The following MSI2 variants were observed in gnomAD, a reference collection of about 807,000 sequenced individuals.
MSI2 encodes RNA-binding protein Musashi homolog 2.
MSI2 carries 17 observed loss-of-function variants against 45.6 expected under a neutral mutation model. The observed-to-expected ratio is 0.37, with a 90% CI of 0.26 to 0.56. The LOEUF is 0.56. Among genes scored for constraint, MSI2 ranks in the 20% least tolerant of loss-of-function variants. The pLI is 0.77. For synonymous variants in MSI2, 156 were observed against 158.2 expected (o/e 0.99, Z 0.11); for missense variants, 293 against 444.2 (o/e 0.66, Z 3.06).
intron 7 of MSI2, among the ~76,000 whole-genome samples, chr17:57,579,697 A>C (rs953105563): frequency 6.6e-6 from 1 of 152,248 alleles, no homozygotes; most frequent in Non-Finnish European, 1.5e-5. Flanking sequence ...AAGTCATGAC[A>C]GCAAGTCAAT....
chr17:57,321,668 G>C (rs970996164), intron 5 of MSI2, among the ~76,000 whole-genome samples: 5 of 152,172 alleles, frequency 3.3e-5, no homozygotes, highest in Non-Finnish European at 5.9e-5. Context: ...ACAAGGGTGA[G>C]CTGGAAAGGG....
At chr17:57,496,180 T>G (rs953055341) in intron 6 of MSI2, among the ~76,000 whole-genome samples, 1 of 152,132 alleles carries the variant, frequency 6.6e-6, no homozygotes, top group African/African-American at 2.4e-5. Context: ...TGGAGCAGAG[T>G]AGAAGTGCGG....
Position 57,679,937 on chromosome 17 carries a change from A to AT in MSI2, c.*426dup. The AT allele has an allele frequency of 5.1e-6, 1 of 196,580 alleles. No homozygotes were observed. The highest frequency in any genetic ancestry group is 9.6e-6 in the Non-Finnish European group (1 of 103,832). 12.2% of individuals were successfully genotyped at this position (196,580 alleles called of 1,614,324 possible). A position where few individuals can be genotyped will look rare whatever the true frequency, so the allele number is the denominator to read the frequency against. On this transcript the variant is annotated 3_prime_UTR_variant, in exon 14 of 14. Transcript: ENST00000284073. ...AGTATAATTGTTATATTAAGGAGTT[A>AT]TTTTTTCTTAAAACATTTTTTTTTG...
At chr17:57,340,151 A>G (rs1915007833) in intron 5 of MSI2, among the ~76,000 whole-genome samples, 1 of 152,210 alleles carries the variant, frequency 6.6e-6, no homozygotes, top group South Asian at 2.1e-4. Context: ...TAGTCCTCAC[A>G]GTAGCCCTCT....
At chr17:57,567,248 G>A (rs528819893) in intron 7 of MSI2, among the ~76,000 whole-genome samples, 4 of 152,146 alleles carry the variant, frequency 2.6e-5, no homozygotes, top group East Asian at 1.9e-4. Flanking sequence ...TTTGTATCTC[G>A]TGATTAAATA....
chr17:57,586,306 C>T (rs1221543879), intron 7 of MSI2, among the ~76,000 whole-genome samples: 1 of 152,156 alleles, frequency 6.6e-6, no homozygotes, highest in African/African-American at 2.4e-5. Flanking sequence ...GTATTCATGA[C>T]AGATTTCTCT....
intron 7 of MSI2, among the ~76,000 whole-genome samples, chr17:57,533,054 G>C (rs901786476): frequency 1.3e-5 from 2 of 152,324 alleles, no homozygotes; most frequent in South Asian, 2.1e-4. Flanking sequence ...GGCCCATTCA[G>C]TCTCCACTTG....
In MSI2 at chr17:57,314,822, G is replaced by A. The variant is rs1230617899; in HGVS notation, c.312+52630G>A. Reference sequence around the variant, plus strand: ...CCTGACTTTGTGATCTGCCCGCCTCGGTCTCCCAAAGTGCTGGGATTACAG... The same window carrying A: ...CCTGACTTTGTGATCTGCCCGCCTCAGTCTCCCAAAGTGCTGGGATTACAG... On this transcript the variant is annotated intron_variant, in intron 5 of 13. Transcript: ENST00000284073. Among the ~76,000 whole-genome samples, 5 of 152,112 alleles carry A rather than the reference G, an allele frequency of 3.3e-5. No individual in the cohort carries two copies. The East Asian group carries it at 5.8e-4, about 18-fold the overall frequency.
At chr17:57,638,957 A>C (rs2144646650) in intron 10 of MSI2, among the ~76,000 whole-genome samples, 1 of 152,322 alleles carries the variant, frequency 6.6e-6, no homozygotes, top group East Asian at 1.9e-4. Flanking sequence ...GGGAAGTCTA[A>C]GATCAAGGTA....
intron 7 of MSI2, among the ~76,000 whole-genome samples, chr17:57,590,622 A>G (rs1412894299): frequency 6.6e-6 from 1 of 152,164 alleles, no homozygotes; most frequent in Non-Finnish European, 1.5e-5. Flanking sequence ...CTACCCTATT[A>G]ATATCCATTT....
chr17:57,312,570 A>G (rs1912487870), intron 5 of MSI2, among the ~76,000 whole-genome samples: 1 of 152,192 alleles, frequency 6.6e-6, no homozygotes, highest in Non-Finnish European at 1.5e-5. Flanking sequence ...CAGAGTGTAA[A>G]TTGAAGAGAA....
At chr17:57,463,560 T>A (rs1454115366) in intron 6 of MSI2, among the ~76,000 whole-genome samples, 1 of 152,120 alleles carries the variant, frequency 6.6e-6, no homozygotes, top group Non-Finnish European at 1.5e-5. Flanking sequence ...CCGGGGCTTC[T>A]TCTGCCTCCC....
rs190212396 is a variant in MSI2 at position 57,297,034 on chromosome 17, C to G, written c.312+34842C>G. On this transcript the variant is annotated intron_variant, in intron 5 of 13. Coordinates refer to ENST00000284073, the MANE Select transcript of MSI2 (RefSeq NM_138962.4). ...GGACTACAGGCCCGCGCCACCACAC[C>G]TGGCTAATTTTTGTATTTTTAGTAG... 3.1e-3 allele frequency among the ~76,000 whole-genome samples: 470 copies of G among 152,206 alleles called. 1 individual carries two copies. The highest frequency in any genetic ancestry group is 4.8e-3 in the Non-Finnish European group (327 of 68,008).
chr17:57,400,856 G>A (rs2083975903), intron 5 of MSI2, among the ~76,000 whole-genome samples: 1 of 152,026 alleles, frequency 6.6e-6, no homozygotes, highest in African/African-American at 2.4e-5. Flanking sequence ...GAGGAATCCT[G>A]GACAAAGCTT....
chr17:57,493,204 T>A lies in MSI2; in HGVS notation c.406-36472T>A, dbSNP rs79181642. Reference sequence around the variant, plus strand: ...GAGCAATCATCTTTGCTTCATATTCTACCTGTGGTTGCCTTTCAGCAGTTT... The same window carrying A: ...GAGCAATCATCTTTGCTTCATATTCAACCTGTGGTTGCCTTTCAGCAGTTT... On this transcript the variant is annotated intron_variant, in intron 6 of 13. Coordinates refer to ENST00000284073, the MANE Select transcript of MSI2 (RefSeq NM_138962.4). Among the ~76,000 whole-genome samples, 692 of 152,338 alleles carry A rather than the reference T, an allele frequency of 4.5e-3. 9 individuals are homozygous for A. The highest frequency in any genetic ancestry group is 0.016 in the African/African-American group (647 of 41,582).
chr17:57,364,615 A>G (rs747335973), intron 5 of MSI2, among the ~76,000 whole-genome samples: 3 of 152,176 alleles, frequency 2.0e-5, no homozygotes, highest in South Asian at 2.1e-4. Context: ...TACAATAACC[A>G]TCACCTCCAG....
At chr17:57,282,791 C>T (rs1012082569) in intron 5 of MSI2, among the ~76,000 whole-genome samples, 1 of 107,864 alleles carries the variant, frequency 9.3e-6, no homozygotes, top group Non-Finnish European at 1.8e-5. Context: ...TTCTCTAAAG[C>T]GTTTACTTTA....
rs1266668881 is a variant in MSI2 at position 57,270,559 on chromosome 17, G to C, written c.312+8367G>C. Among the ~76,000 whole-genome samples, 5 of 152,196 alleles carry C rather than the reference G, an allele frequency of 3.3e-5. No individual in the cohort carries two copies. The South Asian group carries it at 1.0e-3, about 32-fold the overall frequency. On this transcript the variant is annotated intron_variant, in intron 5 of 13. Coordinates refer to ENST00000284073, the MANE Select transcript of MSI2 (RefSeq NM_138962.4). ...TACCTGTTTTCTGAGAGCTTGTTTA[G>C]CATAGGTAAGTGCCACTTACCAGCT...
At chr17:57,344,414 T>C (rs1915419764) in intron 5 of MSI2, among the ~76,000 whole-genome samples, 1 of 152,238 alleles carries the variant, frequency 6.6e-6, no homozygotes, top group Non-Finnish European at 1.5e-5. Flanking sequence ...CGCCGGAGTT[T>C]ATTTTTAAGC....
Sources: allele counts gnomAD v4.1 joint callset (sites outside exome capture counted in the v4.1 genomes callset), GRCh38; gene constraint gnomAD v4.1.1; transcripts MANE v1.5; gene names NCBI Gene and HGNC (gene_info 2026-07-23, HGNC 2026-07-21).